The following BIRC6 variants were observed in gnomAD, a reference collection of about 807,000 sequenced individuals.
The protein encoded by BIRC6 is baculoviral IAP repeat containing 6.
BIRC6 carries 98 observed loss-of-function variants against 503.3 expected under a neutral mutation model. The ratio of observed to expected loss-of-function variants is 0.19; its 90% CI spans 0.17 to 0.23. The LOEUF (loss-of-function observed/expected upper bound fraction) is 0.23. Ranked by LOEUF, BIRC6 falls within the 10% of genes least tolerant of loss-of-function variation. BIRC6 has a pLI of 1.00. For synonymous variants in BIRC6, 2,240 were observed against 2,078.7 expected, an observed-to-expected ratio of 1.08 and a Z score of -2.11; for missense variants, 5,360 against 5,806.0, an observed-to-expected ratio of 0.92 and a Z score of 2.50.
At chr2:32,448,464 C>T (rs1297819708) in intron 21 of BIRC6, among the ~76,000 whole-genome samples, 10 of 151,842 alleles carry the variant, frequency 6.6e-5, no homozygotes, top group Admixed American at 6.6e-4. Flanking sequence ...GCCCGGCCAA[C>T]ACAGCAAAAC....
rs757908834 is a variant in BIRC6, at chr2:32,429,206, T to C, written c.2933T>C (p.Ile978Thr). The C allele has an allele frequency of 1.3e-5, 21 of 1,580,426 alleles. No homozygotes were observed. The highest frequency in any genetic ancestry group is 1.5e-5 in the Non-Finnish European group (17 of 1,161,126). ...GTCDDIDEADILVDGSLSKGI... is the reference protein window; with the variant it reads ...GTCDDIDEADTLVDGSLSKGI... ...TGTGATGATATTGATGAAGCTGATA[T>C]ACTAGTGGATGGATCTCTTTCTAAA... Residue 978 changes from isoleucine to threonine, a missense_variant, in exon 11 of 74, where the codon ATA becomes ACA. This residue lies in a region of BIRC6 where 700 missense variants were observed against 739.3 expected (regional missense o/e 0.95). Transcript: ENST00000421745.
chr2:32,548,124 TGTG>T, intron 64 of BIRC6, 110 bp downstream of exon 64: 1 of 957,326 alleles, frequency 1.0e-6, no homozygotes, highest in Middle Eastern at 3.5e-4. Flanking sequence ...TATGCCCACT[TGTG>T]GTCCTTCTTC....
chr2:32,558,375 C>T (rs1328153343), intron 65 of BIRC6, among the ~76,000 whole-genome samples: 1 of 152,108 alleles, frequency 6.6e-6, no homozygotes, highest in East Asian at 1.9e-4. Context: ...ACATCAACTC[C>T]TTTTTAAAGC....
Position 32,608,330 on chromosome 2 carries a change from A to G in BIRC6, c.14259+687A>G, listed in dbSNP as rs535358196. Among the ~76,000 whole-genome samples, 27 of 152,008 alleles carry G rather than the reference A, an allele frequency of 1.8e-4. No individual in the cohort carries two copies. In the East Asian group the frequency reaches 4.6e-3, roughly 26 times the overall value. ...GATAGTACAGATGAAGTATAAAACT[A>G]TCTATATTCTAAAAGACATCTGACT... On this transcript the variant is annotated intron_variant, in intron 72 of 73. Transcript: ENST00000421745.
intron 59 of BIRC6, among the ~76,000 whole-genome samples, chr2:32,526,105 T>C (rs1292030152): frequency 6.6e-6 from 1 of 152,188 alleles, no homozygotes; most frequent in Non-Finnish European, 1.5e-5. Context: ...ATTCAGTATC[T>C]GATACTTTTT....
intron 26 of BIRC6, among the ~76,000 whole-genome samples, chr2:32,467,034 G>T (rs184586713): frequency 3.3e-5 from 5 of 151,886 alleles, no homozygotes; most frequent in Admixed American, 2.6e-4. Flanking sequence ...CAGGAGAAAG[G>T]CGTGAACCCA....
chr2:32,587,659 G>T (rs942753816), intron 66 of BIRC6, among the ~76,000 whole-genome samples: 2 of 152,172 alleles, frequency 1.3e-5, no homozygotes, highest in South Asian at 4.1e-4. Flanking sequence ...GGGAGGTGAA[G>T]GTTGCAGTGA....
intron 72 of BIRC6, among the ~76,000 whole-genome samples, chr2:32,610,830 G>A (rs1197482214): frequency 3.3e-5 from 5 of 151,640 alleles, no homozygotes; most frequent in African/African-American, 4.8e-5. Flanking sequence ...GTGCAGTGGC[G>A]GGATCTCAGT....
Position 32,397,040 on chromosome 2 carries a change from A to G in BIRC6, c.1034+1447A>G, listed in dbSNP as rs1308116270. On this transcript the variant is annotated intron_variant, in intron 6 of 73. Transcript: ENST00000421745. ...ACTGCGCCCGGCCTAAAATTGAACA[A>G]TTTTAACAATATACTGTAATAAAAG... Among the ~76,000 whole-genome samples, 4 of 152,158 alleles carry G rather than the reference A, an allele frequency of 2.6e-5. No homozygotes were observed. The East Asian group carries it at 5.8e-4, about 22-fold the overall frequency.
intron 3 of BIRC6, among the ~76,000 whole-genome samples, chr2:32,382,988 C>T (rs1184876652): frequency 2.0e-5 from 3 of 150,094 alleles, no homozygotes; most frequent in African/African-American, 4.9e-5. Context: ...TCCCAAAATG[C>T]TGGGGTTACA....
chr2:32,393,517 A>G (rs1401098851), intron 5 of BIRC6, among the ~76,000 whole-genome samples: 1 of 152,128 alleles, frequency 6.6e-6, no homozygotes, highest in African/African-American at 2.4e-5. Context: ...AACTTTATTT[A>G]TTTATTTATT....
At position 32,357,382 on chromosome 2, in the gene BIRC6, C is replaced by G; in HGVS notation, c.221C>G (p.Ser74Cys). ...GACGCCGACGGGCTGCACAGCCTGT[C>G]CTACCACCCTGCGCTCAACGCCATC... Reference protein sequence around the residue: ...HCDADGLHSLSYHPALNAILA... With the variant: ...HCDADGLHSLCYHPALNAILA... The change falls in exon 1 of 74, where the codon TCC (serine) becomes TGC (cysteine). Residue 74 changes from serine to cysteine, a missense_variant. Physicochemically the swap from Ser to Cys is moderately radical, Grantham distance 112. Transcript: ENST00000421745. This position sits in a 1 kb window ranked among gnomAD's most constrained non-coding sequence, Gnocchi z 4.9. The G allele has an allele frequency of 6.5e-7, 1 of 1,548,948 alleles. No homozygotes were observed. The highest frequency in any genetic ancestry group is 8.7e-7 in the Non-Finnish European group (1 of 1,146,546).
At chr2:32,571,034 C>A (rs2059880971) in intron 65 of BIRC6, among the ~76,000 whole-genome samples, 1 of 151,834 alleles carries the variant, frequency 6.6e-6, no homozygotes, top group African/African-American at 2.4e-5. Flanking sequence ...TTGTCTCGAT[C>A]TCTTGGTCTC....
At chr2:32,464,383 T>C (rs2048311198) in intron 24 of BIRC6, 126 bp from the exon 25 acceptor site, 2 of 1,204,004 alleles carry the variant, frequency 1.7e-6, no homozygotes, top group South Asian at 1.7e-5. Context: ...AGTTTTGATT[T>C]AATTTCATCT....
chr2:32,601,176 C>T (rs2062028939), intron 70 of BIRC6, among the ~76,000 whole-genome samples: 1 of 152,220 alleles, frequency 6.6e-6, no homozygotes, highest in African/African-American at 2.4e-5. Context: ...TTCACAGATA[C>T]AACTCATTAA....
chr2:32,555,544 A>G (rs1254365033), intron 65 of BIRC6, among the ~76,000 whole-genome samples: 1 of 152,138 alleles, frequency 6.6e-6, no homozygotes, highest in African/African-American at 2.4e-5. Flanking sequence ...AGGCTGAGGC[A>G]GGAGAATCGC....
intron 57 of BIRC6, among the ~76,000 whole-genome samples, chr2:32,524,006 T>A (rs1412450374): frequency 6.7e-6 from 1 of 150,144 alleles, no homozygotes; most frequent in Admixed American, 6.7e-5. Flanking sequence ...ATTACACCAC[T>A]GCACTCCAGC....
At chr2:32,506,925 G>A (rs1045450492) in intron 50 of BIRC6, among the ~76,000 whole-genome samples, 2 of 152,066 alleles carry the variant, frequency 1.3e-5, no homozygotes, top group African/African-American at 4.8e-5. Flanking sequence ...TGACTGTCTA[G>A]TAATCAGTGT....
At chr2:32,398,894 T>C (rs1212003433) in intron 6 of BIRC6, among the ~76,000 whole-genome samples, 1 of 152,152 alleles carries the variant, frequency 6.6e-6, no homozygotes, top group Non-Finnish European at 1.5e-5. Context: ...GACATCTACA[T>C]ATTAAAAATT....
Sources: gnomAD v4.1 joint callset for allele counts (sites outside exome capture counted in the v4.1 genomes callset) on GRCh38, gnomAD v4.1.1 for gene constraint, gnomAD v4.1.1 regional missense constraint, Gnocchi (gnomAD v3.1) non-coding constraint, MANE v1.5 for transcripts, NCBI Gene and HGNC (gene_info 2026-07-23, HGNC 2026-07-21) for gene names.